The following ZSWIM5 variants were observed in gnomAD, a reference collection of about 807,000 sequenced individuals.
The protein encoded by ZSWIM5 is zinc finger SWIM-type containing 5.
In ZSWIM5, 55 loss-of-function variants were observed where a neutral mutation model predicts 119.6. The ratio of observed to expected loss-of-function variants is 0.46; its 90% CI spans 0.37 to 0.58. The LOEUF is 0.58. ZSWIM5 is among the 20% of genes least tolerant of loss of function. The pLI, the probability that ZSWIM5 is intolerant of heterozygous loss-of-function variation, is 0.00. For missense variants in ZSWIM5, 1,193 were observed against 1,512.8 expected (o/e 0.79, Z 3.51); for synonymous variants, 537 against 606.9 (o/e 0.88, Z 1.69).
intron 5 of ZSWIM5, among the ~76,000 whole-genome samples, chr1:45,046,459 A>G (rs1015919280): frequency 5.9e-5 from 9 of 152,190 alleles, no homozygotes; most frequent in African/African-American, 1.2e-4. Context: ...AATGACTCCA[A>G]GGTTTTTAAG....
intron 1 of ZSWIM5, among the ~76,000 whole-genome samples, chr1:45,110,761 G>A (rs569146364): frequency 6.6e-6 from 1 of 152,326 alleles, no homozygotes; most frequent in South Asian, 2.1e-4. Context: ...GAGAATGAAT[G>A]CTGAAAGGGA....
At chr1:45,146,170 G>A (rs967413570) in intron 1 of ZSWIM5, among the ~76,000 whole-genome samples, 1 of 152,094 alleles carries the variant, frequency 6.6e-6, no homozygotes, top group Admixed American at 6.6e-5. Context: ...ACAGTAAAGA[G>A]ATAGGACAAT....
chr1:45,106,959 T>G (rs1043998807), intron 1 of ZSWIM5, among the ~76,000 whole-genome samples: 1 of 152,174 alleles, frequency 6.6e-6, no homozygotes, highest in African/African-American at 2.4e-5. Flanking sequence ...AACTCAGGGT[T>G]AAATAGATTA....
In ZSWIM5 at chr1:45,156,208, G is replaced by A. The variant is rs188146201; in HGVS notation, c.595+49548C>T. Among the ~76,000 whole-genome samples the A allele has an allele frequency of 4.6e-4, 70 of 152,116 alleles. 1 individual carries two copies. The East Asian group carries it at 8.1e-3, about 18-fold the overall frequency. The stretch of plus-strand genomic sequence containing the variant: ...AGAAACAGAAAACCAAACACCACAT[G>A]TTCTCACTTACAAGTGGGAACTAAA... On this transcript the variant is annotated intron_variant, in intron 1 of 13. Transcript: ENST00000359600.
chr1:45,125,483 C>A lies in ZSWIM5; in HGVS notation c.596-37246G>T, dbSNP rs539635747. ...ATTTATAGCAGGAACTGCTTTACAT[C>A]AAAAAAAACAAAAAAAAACAAAAGG... On this transcript the variant is annotated intron_variant, in intron 1 of 13. Coordinates refer to ENST00000359600, the MANE Select transcript of ZSWIM5 (RefSeq NM_020883.2). 7.4e-3 allele frequency among the ~76,000 whole-genome samples: 1,108 copies of A among 150,406 alleles called. 23 individuals are homozygous for A. The highest frequency in any genetic ancestry group is 0.025 in the African/African-American group (1,009 of 40,718).
intron 1 of ZSWIM5, among the ~76,000 whole-genome samples, chr1:45,123,363 A>G (rs1645604368): frequency 6.6e-6 from 1 of 152,184 alleles, no homozygotes; most frequent in African/African-American, 2.4e-5. Context: ...AGCAATGACA[A>G]CTGTATGTGA....
Position 45,062,329 on chromosome 1 carries a change from C to T in ZSWIM5, c.953-2082G>A, listed in dbSNP as rs570716366. Among the ~76,000 whole-genome samples, 5 of 152,192 alleles carry T rather than the reference C, an allele frequency of 3.3e-5. No individual in the cohort carries two copies. The South Asian group carries it at 1.0e-3, about 32-fold the overall frequency. On this transcript the variant is annotated intron_variant, in intron 2 of 13. Coordinates refer to ENST00000359600, the MANE Select transcript of ZSWIM5 (RefSeq NM_020883.2). ...TCTGCTTAAATAAAATTTGGGTCAG[C>T]ACAACAAAGCTACTCCTTTGCTATG...
chr1:45,116,416 A>G (rs1216289003), intron 1 of ZSWIM5, among the ~76,000 whole-genome samples: 5 of 152,212 alleles, frequency 3.3e-5, no homozygotes, highest in Non-Finnish European at 7.3e-5. Context: ...TGCTTCATTA[A>G]TAACACAAGT....
intron 1 of ZSWIM5, among the ~76,000 whole-genome samples, chr1:45,180,825 G>A (rs561077401): frequency 2.6e-5 from 4 of 152,212 alleles, no homozygotes; most frequent in South Asian, 2.1e-4. Flanking sequence ...GGCAAACAGG[G>A]TCTGGAGTGG....
chr1:45,183,317 C>T (rs1478204943), intron 1 of ZSWIM5, among the ~76,000 whole-genome samples: 3 of 150,712 alleles, frequency 2.0e-5, no homozygotes, highest in Non-Finnish European at 4.4e-5. Flanking sequence ...AAATTGACAC[C>T]CTAACATCAC....
intron 1 of ZSWIM5, among the ~76,000 whole-genome samples, chr1:45,204,070 A>G (rs1007024303): frequency 1.3e-5 from 2 of 152,126 alleles, no homozygotes; most frequent in Non-Finnish European, 2.9e-5. Context: ...GATCTAGATT[A>G]CCCAAAATAT....
rs545008141 is a variant in ZSWIM5 at position 45,186,429 on chromosome 1, A to T, written c.595+19327T>A. Among the ~76,000 whole-genome samples, 3 of 151,688 alleles carry T rather than the reference A, an allele frequency of 2.0e-5. No homozygotes were observed. In the East Asian group the frequency reaches 5.8e-4, roughly 29 times the overall value. On this transcript the variant is annotated intron_variant, in intron 1 of 13. Transcript: ENST00000359600. ...TAATAAAAAAAGAAAAAATAATAAT[A>T]AAATCCCTTGAACCTCAGGAAAAAA...
At chr1:45,101,206 AC>A (rs1200853291) in intron 1 of ZSWIM5, among the ~76,000 whole-genome samples, 6 of 152,142 alleles carry the variant, frequency 3.9e-5, no homozygotes, top group South Asian at 2.1e-4. Context: ...AAGAAAAAAA[AC>A]GACCCCATCA....
chr1:45,052,272 C>T (rs1045314952), intron 4 of ZSWIM5, among the ~76,000 whole-genome samples: 1 of 152,110 alleles, frequency 6.6e-6, no homozygotes, highest in Admixed American at 6.5e-5. Flanking sequence ...GTGATCCACT[C>T]GCCTTGGCCT....
chr1:45,035,984 G>C, intron 9 of ZSWIM5, 55 bp downstream of exon 9: 1 of 1,587,168 alleles, frequency 6.3e-7, no homozygotes, highest in Non-Finnish European at 8.6e-7. Context: ...ATTGGAGAGG[G>C]GAGCTCAGGG....
In ZSWIM5 at chr1:45,181,374, A is replaced by C. The variant is rs377641289; in HGVS notation, c.595+24382T>G. 2.6e-5 allele frequency among the ~76,000 whole-genome samples: 4 copies of C among 152,188 alleles called. No homozygotes were observed. The East Asian group carries it at 7.7e-4, about 29-fold the overall frequency. ...ATGAATGAAATGAAGCGAGAAGGGA[A>C]GTTTAGAGAAAAAAGAATAAAAAGA... On this transcript the variant is annotated intron_variant, in intron 1 of 13. Coordinates refer to ENST00000359600, the MANE Select transcript of ZSWIM5 (RefSeq NM_020883.2).
intron 8 of ZSWIM5, among the ~76,000 whole-genome samples, chr1:45,037,304 T>C (rs1014441762): frequency 3.3e-5 from 5 of 151,798 alleles, no homozygotes; most frequent in Admixed American, 2.6e-4. Flanking sequence ...AGAGATGGGG[T>C]TTCACCATGT....
chr1:45,205,705 A>G (rs1401955703), intron 1 of ZSWIM5, 51 bp downstream of exon 1: 2 of 1,455,014 alleles, frequency 1.4e-6, no homozygotes, highest in South Asian at 1.2e-5. Context: ...GAGAAGAGGC[A>G]CCCGCGGAAG....
intron 2 of ZSWIM5, among the ~76,000 whole-genome samples, chr1:45,082,855 G>T (rs1371097279): frequency 6.6e-6 from 1 of 152,190 alleles, no homozygotes; most frequent in Admixed American, 6.5e-5. Flanking sequence ...GGTTGTTTTG[G>T]TGACAGTTGT....
Sources: allele counts gnomAD v4.1 joint callset (sites outside exome capture counted in the v4.1 genomes callset), GRCh38; gene constraint gnomAD v4.1.1; transcripts MANE v1.5; gene names NCBI Gene and HGNC (gene_info 2026-07-23, HGNC 2026-07-21).